Variants in TMEM196 observed in about 807,000 individuals in gnomAD.
The protein encoded by TMEM196 is transmembrane protein 196.
Under a neutral mutation model 20.0 loss-of-function variants are expected in TMEM196, and 17 were observed. That is an observed-to-expected ratio of 0.85 (90% CI 0.58 to 1.27). TMEM196 has a LOEUF of 1.27. Among genes scored for constraint, TMEM196 ranks in the 50% most tolerant of loss-of-function variants. The pLI is 0.00. For synonymous variants in TMEM196, 113 were observed against 88.9 expected, an observed-to-expected ratio of 1.27 and a Z score of -1.52; for missense variants, 267 against 223.0, an observed-to-expected ratio of 1.20 and a Z score of -1.26.
In TMEM196 at chr7:19,729,409, C is replaced by G. The variant is rs1356674808; in HGVS notation, c.177G>C (p.Leu59Phe). 4 of 1,549,738 alleles carry G rather than the reference C, an allele frequency of 2.6e-6. No homozygotes were observed. The highest frequency in any genetic ancestry group is 2.7e-5 in the African/African-American group (2 of 72,776). ...PFLLCGICGI[L>F]CAKKKSGLVM... is the part of the protein sequence containing the mutation. ...CAAGTCCTGATTTTTTTTTGGCACA[C>G]AATATTCCACAAATGCCACAAAGAA... The change falls in exon 2 of 5, where the codon TTG becomes TTC. Residue 59 changes from leucine to phenylalanine, a missense_variant. Coordinates refer to ENST00000405844, the MANE Select transcript of TMEM196 (RefSeq NM_001363562.2).
At chr7:19,743,186 G>C (rs17355390) in intron 1 of TMEM196, among the ~76,000 whole-genome samples, 72,094 of 152,036 alleles carry the variant, frequency 0.47, 20,684 homozygotes, top group East Asian at 0.95. Flanking sequence ...TTTTCTGTTT[G>C]TCATGATGAG....
chr7:19,732,621 A>G (rs1784253556), intron 1 of TMEM196, among the ~76,000 whole-genome samples: 1 of 118,998 alleles, frequency 8.4e-6, no homozygotes, highest in Non-Finnish European at 1.7e-5. Context: ...TGATTTTTAG[A>G]GTTTTTTTTT....
intron 1 of TMEM196, among the ~76,000 whole-genome samples, chr7:19,771,297 T>A (rs1046856369): frequency 6.6e-6 from 1 of 152,164 alleles, no homozygotes; most frequent in East Asian, 1.9e-4. Context: ...GAATTCAAAG[T>A]AAGGATTCTT....
At chr7:19,740,251 T>G (rs116772311) in intron 1 of TMEM196, among the ~76,000 whole-genome samples, 2 of 152,114 alleles carry the variant, frequency 1.3e-5, no homozygotes, top group Admixed American at 1.3e-4. Context: ...AGGTGTAAAA[T>G]TGTGTATGTA....
At chr7:19,731,114 A>G (rs997473771) in intron 1 of TMEM196, among the ~76,000 whole-genome samples, 5 of 152,204 alleles carry the variant, frequency 3.3e-5, no homozygotes, top group Admixed American at 3.3e-4. Context: ...ATTTATTAAT[A>G]GAAAAAATTT....
chr7:19,730,200 G>T (rs1324710052), intron 1 of TMEM196, among the ~76,000 whole-genome samples: 5 of 151,100 alleles, frequency 3.3e-5, no homozygotes, highest in Non-Finnish European at 5.9e-5. Flanking sequence ...GGCTTGCAGT[G>T]AGCCAAGATC....
chr7:19,741,470 C>G (rs1258571457), intron 1 of TMEM196, among the ~76,000 whole-genome samples: 1 of 152,146 alleles, frequency 6.6e-6, no homozygotes, highest in Non-Finnish European at 1.5e-5. Flanking sequence ...AATTAATCAT[C>G]ACTGAATCAA....
At chr7:19,740,435 G>A (rs1236784593) in intron 1 of TMEM196, among the ~76,000 whole-genome samples, 2 of 151,966 alleles carry the variant, frequency 1.3e-5, no homozygotes. Context: ...GAATGCTTTT[G>A]GTTTTATTTA....
intron 1 of TMEM196, among the ~76,000 whole-genome samples, chr7:19,733,922 C>T (rs1388938102): frequency 1.3e-5 from 2 of 152,174 alleles, no homozygotes; most frequent in Non-Finnish European, 2.9e-5. Context: ...TCTCCTTCAG[C>T]CCCACCTTCA....
intron 1 of TMEM196, among the ~76,000 whole-genome samples, chr7:19,754,511 A>G (rs537361564): frequency 4.5e-4 from 69 of 152,342 alleles, no homozygotes; most frequent in African/African-American, 1.6e-3. Context: ...ACAGATGGGA[A>G]TCTTTTACAA....
chr7:19,756,048 AG>A (rs1284428841), intron 1 of TMEM196, among the ~76,000 whole-genome samples: 3 of 149,358 alleles, frequency 2.0e-5, no homozygotes, highest in Admixed American at 2.0e-4. Context: ...AAAAAAAAAA[AG>A]CATGAAGTTT....
chr7:19,729,260 T>TG (rs944259769), intron 2 of TMEM196, 122 bp downstream of exon 2: 9 of 648,396 alleles, frequency 1.4e-5, no homozygotes, highest in African/African-American at 9.5e-5. Context: ...TTGTCAGTTT[T>TG]TTTTTTTTTT....
chr7:19,747,609 G>A (rs934013457), intron 1 of TMEM196, among the ~76,000 whole-genome samples: 4 of 152,212 alleles, frequency 2.6e-5, no homozygotes, highest in Non-Finnish European at 5.9e-5. Context: ...AAGTGGCAGA[G>A]TTGGCGTTTG....
intron 1 of TMEM196, among the ~76,000 whole-genome samples, chr7:19,763,837 A>G (rs1049494230): frequency 6.6e-6 from 1 of 152,200 alleles, no homozygotes; most frequent in Non-Finnish European, 1.5e-5. Context: ...AATTTTTAGA[A>G]CAACTCCATG....
At chr7:19,757,963 T>A (rs115513568) in intron 1 of TMEM196, among the ~76,000 whole-genome samples, 4,348 of 138,480 alleles carry the variant, frequency 0.031, 196 homozygotes, top group African/African-American at 0.11. Context: ...TTTATATATA[T>A]ACTTTTTTTT....
intron 1 of TMEM196, among the ~76,000 whole-genome samples, chr7:19,741,244 T>C (rs1017314357): frequency 6.6e-6 from 1 of 152,158 alleles, no homozygotes; most frequent in African/African-American, 2.4e-5. Context: ...ATTACTGGCA[T>C]TGTTAGAGTG....
Position 19,744,169 on chromosome 7 carries a change from G to T in TMEM196, c.148-14731C>A, listed in dbSNP as rs987748912. 5.9e-5 allele frequency among the ~76,000 whole-genome samples: 9 copies of T among 152,168 alleles called. No individual in the cohort carries two copies. In the East Asian group the frequency reaches 1.7e-3, roughly 29 times the overall value. Reference sequence around the variant, plus strand: ...GGTGGTTTCTGAGCCTCGTTGATTTGTGTTGTTAATGTAACAGCTTTCAGC... The same window carrying T: ...GGTGGTTTCTGAGCCTCGTTGATTTTTGTTGTTAATGTAACAGCTTTCAGC... On this transcript the variant is annotated intron_variant, in intron 1 of 4. Transcript: ENST00000405844.
At chr7:19,760,442 C>G (rs770471540) in intron 1 of TMEM196, among the ~76,000 whole-genome samples, 1 of 138,722 alleles carries the variant, frequency 7.2e-6, no homozygotes. Flanking sequence ...CTCAATGCAA[C>G]CTCTGCCTCC....
rs115361704 is a variant in TMEM196 at position 19,726,865 on chromosome 7, C to A, written c.205-1097G>T. ...ATCTAATTTCCATTCTTCTCGGGAA[C>A]ACAGACTTATTCCAGTCACCTCTCT... On this transcript the variant is annotated intron_variant, in intron 2 of 4. Coordinates refer to ENST00000405844, the MANE Select transcript of TMEM196 (RefSeq NM_001363562.2). 4.8e-3 allele frequency among the ~76,000 whole-genome samples: 726 copies of A among 152,246 alleles called. 8 individuals carry two copies. The highest frequency in any genetic ancestry group is 0.017 in the African/African-American group (693 of 41,550).
Sources: gnomAD v4.1 joint callset for allele counts (sites outside exome capture counted in the v4.1 genomes callset) on GRCh38, gnomAD v4.1.1 for gene constraint, MANE v1.5 for transcripts, NCBI Gene and HGNC (gene_info 2026-07-23, HGNC 2026-07-21) for gene names.